SLITRK4: variants seen among roughly 807,000 people sequenced by gnomAD.
SLITRK4 encodes SLIT and NTRK-like protein 4.
A neutral mutation model predicts 34.7 loss-of-function variants in SLITRK4; 7 were observed. The observed-to-expected ratio is 0.20, with a 90% CI of 0.11 to 0.38. The LOEUF is 0.38. Among genes scored for constraint, SLITRK4 ranks in the 10% least tolerant of loss-of-function variants. The pLI is 1.00. For missense variants in SLITRK4, 474 were observed against 607.0 expected (o/e 0.78, Z 2.30); for synonymous variants, 237 against 246.2 (o/e 0.96, Z 0.35).
rs1930786493 is a variant in SLITRK4, at chrX:143,626,387, A to G, written c.*2208T>C. ...TTATATTCATATAAAGTTTTCACAG[A>G]TGTCATAAAAATTAAAATTACACAC... On this transcript the variant is annotated 3_prime_UTR_variant, in exon 2 of 2. Coordinates refer to ENST00000356928, the MANE Select transcript of SLITRK4 (RefSeq NM_001184749.3). The G allele has an allele frequency of 9.0e-6, 1 of 111,234 alleles. No individual in the cohort carries two copies. The highest frequency in any genetic ancestry group is 9.6e-5 in the Admixed American group (1 of 10,387). 9.2% of individuals were successfully genotyped at this position (111,234 alleles called of 1,213,427 possible).
intron 1 of SLITRK4, among the ~76,000 whole-genome samples, chrX:143,633,219 GAGAA>G (rs1931105215): frequency 9.1e-6 from 1 of 109,886 alleles, no homozygotes. Context: ...AGGCAAGAGA[GAGAA>G]AGAGTCCAGT....
Position 143,630,539 on chromosome X carries a change from G to C in SLITRK4, c.570C>G (p.Ile190Met). ...GAACCCCGATATAAGGGAGCTTCTG[G>C]ATTCTGTTCCCTCGTATATCCAGAT... ...LTHLDIRGNR[I>M]QKLPYIGVLE... Residue 190 changes from isoleucine to methionine, a missense_variant, in exon 2 of 2, where the codon ATC (isoleucine) becomes ATG (methionine). By Grantham distance (10) the Ile-to-Met change is conservative. Transcript: ENST00000356928. 1 of 1,211,672 alleles carries C rather than the reference G, an allele frequency of 8.3e-7. No homozygotes were observed. The highest frequency in any genetic ancestry group is 3.0e-5 in the East Asian group (1 of 33,842).
chrX:143,629,080 T>G lies in SLITRK4; in HGVS notation c.2029A>C (p.Lys677Gln). 8.3e-7 allele frequency: 1 copy of G among 1,212,003 alleles called. No homozygotes were observed. Residue 677 changes from lysine (K) to glutamine (Q), a missense_variant, in exon 2 of 2, where the codon AAA (lysine) becomes CAA (glutamine). Physicochemically the swap from Lys to Gln is moderately conservative, Grantham distance 53. Coordinates refer to ENST00000356928, the MANE Select transcript of SLITRK4 (RefSeq NM_001184749.3). ...QLRKHDHKTN[K>Q]KDGLSTEAFI... ...GCTTCTGTGCTCAGTCCATCTTTTT[T>G]ATTGGTTTTGTGGTCATGCTTCCTT... is the stretch of plus-strand genomic sequence containing the variant.
chrX:143,627,498 TTTTTTG>T lies in SLITRK4; in HGVS notation c.*1091_*1096del, dbSNP rs1930833451. 1 of 111,111 alleles carries T rather than the reference TTTTTTG, an allele frequency of 9.0e-6. No individual in the cohort carries two copies. The highest frequency in any genetic ancestry group is 1.9e-5 in the Non-Finnish European group (1 of 52,933). 9.2% of individuals were successfully genotyped at this position (111,111 alleles called of 1,213,427 possible). ...TTTTCTTTTCTGTTTGTTTTAAATT[TTTTTTG>T]TTTTTAAGTTACACCTGATCACAAA... On this transcript the variant is annotated 3_prime_UTR_variant, in exon 2 of 2. Coordinates refer to ENST00000356928, the MANE Select transcript of SLITRK4 (RefSeq NM_001184749.3).
Position 143,628,969 on chromosome X carries a change from G to A in SLITRK4, c.2140C>T (p.Pro714Ser). The A allele has an allele frequency of 6.6e-6, 8 of 1,211,111 alleles. No individual in the cohort carries two copies. The highest frequency in any genetic ancestry group is 8.9e-6 in the Non-Finnish European group (8 of 895,213). Residue 714 changes from proline to serine, a missense_variant, in exon 2 of 2, where the codon CCT becomes TCT. Pro to Ser is a moderately conservative substitution (Grantham distance 74). Around this residue, in one of 3 missense-constraint regions of SLITRK4, gnomAD observed 345 missense variants for 406.5 expected, o/e 0.85. Coordinates refer to ENST00000356928, the MANE Select transcript of SLITRK4 (RefSeq NM_001184749.3). ...CTCATAACAACTTTCTGTCCTGGAG[G>A]ATCTGAAAACATGAACCCAGTTTCT... ...ESETGFMFSD[P>S]PGQKVVMRNV...
chrX:143,629,486 T>C lies in SLITRK4; in HGVS notation c.1623A>G (p.Ala541=). ...NPWDCTCDLV[A]LKLWVEKLSD... The stretch of plus-strand genomic sequence containing the variant: ...TCAACTTCTCCACCCACAGCTTTAA[T>C]GCCACCAAGTCACAAGTACAGTCCC... Residue 541 remains alanine, a synonymous_variant, in exon 2 of 2, where the codon GCA becomes GCG. Transcript: ENST00000356928. 1 of 1,211,836 alleles carries C rather than the reference T, an allele frequency of 8.3e-7. No individual in the cohort carries two copies. Among genetic ancestry groups the C allele is most frequent in the African/African-American group, 1.7e-5 (1 of 57,745 alleles).
At position 143,625,196 on chromosome X, in the gene SLITRK4, A is replaced by G. The variant is rs2124317163; in HGVS notation, c.*3399T>C. The G allele has an allele frequency of 9.0e-6, 1 of 111,399 alleles. No individual in the cohort carries two copies. The highest frequency in any genetic ancestry group is 3.7e-4 in the South Asian group (1 of 2,676). The allele number at this position is 111,399 out of a possible 1,213,427, so 9.2% of individuals were successfully genotyped here. On this transcript the variant is annotated 3_prime_UTR_variant, in exon 2 of 2. Transcript: ENST00000356928. ...GGCTTAAAGAAAAGTAAATGTTTAAAAAAAGCAACAAAAGAAAGATGGTCT... is the reference window on the plus strand; with the variant it reads ...GGCTTAAAGAAAAGTAAATGTTTAAGAAAAGCAACAAAAGAAAGATGGTCT...
chrX:143,623,742 T>C lies in SLITRK4; in HGVS notation c.*4853A>G, dbSNP rs1930699009. 1 of 111,482 alleles carries C rather than the reference T, an allele frequency of 9.0e-6. No individual in the cohort carries two copies. The highest frequency in any genetic ancestry group is 3.3e-5 in the African/African-American group (1 of 30,738). The allele number at this position is 111,482 out of a possible 1,213,427, so 9.2% of individuals were successfully genotyped here. ...TAACAATTATCAGGTGAACTTGATA[T>C]ATGTCACCAGTTATTCTAGGTAAGT... is the stretch of plus-strand genomic sequence containing the variant. On this transcript the variant is annotated 3_prime_UTR_variant, in exon 2 of 2. Transcript: ENST00000356928.
rs1931227123 is a variant in SLITRK4 at position 143,636,074 on chromosome X, G to A, written c.-390C>T. On this transcript the variant is annotated 5_prime_UTR_variant, in exon 1 of 2. Transcript: ENST00000356928. ...TAGGGGTTGAGGAAAGAGAGGCGTG[G>A]GACTGGGAGAGATGCCGCACTTGCG... Among the ~76,000 whole-genome samples the A allele has an allele frequency of 1.0e-5, 1 of 97,828 alleles. No individual in the cohort carries two copies. The allele number at this position is 97,828 out of a possible 115,157, so 85.0% of individuals were successfully genotyped here.
chrX:143,625,569 G>A lies in SLITRK4; in HGVS notation c.*3026C>T, dbSNP rs1930759715. 9.0e-6 allele frequency: 1 copy of A among 111,178 alleles called. No homozygotes were observed. Among genetic ancestry groups the A allele is most frequent in the Admixed American group, 9.6e-5 (1 of 10,439 alleles). 9.2% of individuals were successfully genotyped at this position (111,178 alleles called of 1,213,427 possible). A position where few individuals can be genotyped will look rare whatever the true frequency, so the allele number is the denominator to read the frequency against. ...CCACATTAGAAATGAGCACTTCTTG[G>A]ATTTTATAGGTTTGCATCCAAGTTC... On this transcript the variant is annotated 3_prime_UTR_variant, in exon 2 of 2. Transcript: ENST00000356928.
chrX:143,628,070 C>T lies in SLITRK4; in HGVS notation c.*525G>A, dbSNP rs782790494. On this transcript the variant is annotated 3_prime_UTR_variant, in exon 2 of 2. Coordinates refer to ENST00000356928, the MANE Select transcript of SLITRK4 (RefSeq NM_001184749.3). ...AAGGTTACCAATTTACAAATACTATCGAGTGTTCTCTCTTTGCATGCTTTT... is the reference window on the plus strand; with the variant it reads ...AAGGTTACCAATTTACAAATACTATTGAGTGTTCTCTCTTTGCATGCTTTT... 5 of 226,125 alleles carry T rather than the reference C, an allele frequency of 2.2e-5. No individual in the cohort carries two copies. The highest frequency in any genetic ancestry group is 2.2e-4 in the Admixed American group (2 of 8,938). The allele number at this position is 226,125 out of a possible 1,213,427, so 18.6% of individuals were successfully genotyped here.
intron 1 of SLITRK4, among the ~76,000 whole-genome samples, chrX:143,631,716 T>C (rs1338133105): frequency 1.8e-5 from 2 of 111,099 alleles, no homozygotes; most frequent in Non-Finnish European, 3.8e-5. Context: ...TAAGGAACAG[T>C]GACCTGGGAA....
chrX:143,632,406 G>T (rs1334831243), intron 1 of SLITRK4, among the ~76,000 whole-genome samples: 1 of 111,544 alleles, frequency 9.0e-6, no homozygotes, highest in Non-Finnish European at 1.9e-5. Flanking sequence ...TCCTGGAAAA[G>T]ATTAAACAAC....
In SLITRK4 at chrX:143,627,476, TC is replaced by T. The variant is rs1450573851; in HGVS notation, c.*1118del. The T allele has an allele frequency of 9.0e-6, 1 of 110,892 alleles. No individual in the cohort carries two copies. The allele number at this position is 110,892 out of a possible 1,213,427, so 9.1% of individuals were successfully genotyped here. On this transcript the variant is annotated 3_prime_UTR_variant, in exon 2 of 2. Transcript: ENST00000356928. ...AATTGACTGTTCTTTTGTATTTTTTTCTTTTCTGTTTGTTTTAAATTTTTTT... is the reference window on the plus strand; with the variant it reads ...AATTGACTGTTCTTTTGTATTTTTTTTTTTCTGTTTGTTTTAAATTTTTTT...
At chrX:143,631,776 G>A (rs1409472057) in intron 1 of SLITRK4, among the ~76,000 whole-genome samples, 1 of 110,939 alleles carries the variant, frequency 9.0e-6, no homozygotes, top group African/African-American at 3.3e-5. Flanking sequence ...GCTGTCAATC[G>A]GTTTACTCCT....
rs782322466 is a variant in SLITRK4 at position 143,629,327 on chromosome X, A to G, written c.1782T>C (p.Pro594=). 264 of 1,210,223 alleles carry G rather than the reference A, an allele frequency of 2.2e-4. No individual in the cohort carries two copies. Among genetic ancestry groups the G allele is most frequent in the South Asian group, 5.5e-4 (31 of 56,726 alleles). The change falls in exon 2 of 2, where the codon CCT becomes CCC. Residue 594 remains proline, a synonymous_variant. Coordinates refer to ENST00000356928, the MANE Select transcript of SLITRK4 (RefSeq NM_001184749.3). The part of the protein sequence containing the change: ...LNKPSAPFTS[P]APAITFTTPL... ...GAGTGGTGAATGTAATGGCAGGTGC[A>G]GGGCTTGTGAATGGTGCAGACGGCT...
rs1930675412 is a variant in SLITRK4, at chrX:143,622,798, A to G, written c.*5797T>C. On this transcript the variant is annotated 3_prime_UTR_variant, in exon 2 of 2. Transcript: ENST00000356928. ...CTGAATGGCTACAAATGTGACCTATAAGAAAAAACTTTTATTTGTGAAAAC... is the reference window on the plus strand; with the variant it reads ...CTGAATGGCTACAAATGTGACCTATGAGAAAAAACTTTTATTTGTGAAAAC... 8.9e-6 allele frequency: 1 copy of G among 112,301 alleles called. No homozygotes were observed. Among genetic ancestry groups the G allele is most frequent in the African/African-American group, 3.2e-5 (1 of 30,968 alleles). 9.3% of individuals were successfully genotyped at this position (112,301 alleles called of 1,213,427 possible).
At chrX:143,631,667 G>A (rs1450057355) in intron 1 of SLITRK4, among the ~76,000 whole-genome samples, 1 of 110,630 alleles carries the variant, frequency 9.0e-6, no homozygotes, top group African/African-American at 3.3e-5. Flanking sequence ...GGATGGAAAT[G>A]GGAGGATTGG....
Position 143,628,206 on chromosome X carries a change from T to C in SLITRK4, c.*389A>G. 1 of 204,832 alleles carries C rather than the reference T, an allele frequency of 4.9e-6. No homozygotes were observed. Among genetic ancestry groups the C allele is most frequent in the Non-Finnish European group, 8.8e-6 (1 of 114,156 alleles). The allele number at this position is 204,832 out of a possible 1,213,427, so 16.9% of individuals were successfully genotyped here. ...TTATTCCAGTTCCACCAACTTAATC[T>C]ACGTGCAAGATAAAGGACCCAGCTG... is the stretch of plus-strand genomic sequence containing the variant. On this transcript the variant is annotated 3_prime_UTR_variant, in exon 2 of 2. Coordinates refer to ENST00000356928, the MANE Select transcript of SLITRK4 (RefSeq NM_001184749.3).
Sources: gnomAD v4.1 joint callset for allele counts (sites outside exome capture counted in the v4.1 genomes callset) on GRCh38, gnomAD v4.1.1 for gene constraint, gnomAD v4.1.1 regional missense constraint, MANE v1.5 for transcripts, NCBI Gene and HGNC (gene_info 2026-07-23, HGNC 2026-07-21) for gene names.